ACOXL: variants seen among roughly 807,000 people sequenced by gnomAD.
ACOXL encodes the protein acyl-coenzyme A oxidase-like protein.
In ACOXL, 70 loss-of-function variants were observed where a neutral mutation model predicts 71.9. The ratio of observed to expected loss-of-function variants is 0.97; its 90% CI spans 0.80 to 1.19. The LOEUF is 1.19. Among genes scored for constraint, ACOXL ranks in the 50% most tolerant of loss-of-function variants. The pLI, the probability that ACOXL is intolerant of heterozygous loss-of-function variation, is 0.00. For missense variants in ACOXL, 703 were observed against 736.3 expected (o/e 0.95, Z 0.52); for synonymous variants, 253 against 281.6 (o/e 0.90, Z 1.02).
chr2:110,803,194 A>G (rs56281800), intron 8 of ACOXL, among the ~76,000 whole-genome samples: 3,563 of 152,320 alleles, frequency 0.023, 67 homozygotes, highest in East Asian at 0.055. Flanking sequence ...ATTCATATGG[A>G]AATGCAGGAA....
At chr2:111,044,770 A>G (rs1230732160) in intron 15 of ACOXL, among the ~76,000 whole-genome samples, 1 of 152,130 alleles carries the variant, frequency 6.6e-6, no homozygotes, top group Non-Finnish European at 1.5e-5. Flanking sequence ...GTAAGGTTCT[A>G]CCTTACAGCA....
intron 9 of ACOXL, among the ~76,000 whole-genome samples, chr2:110,827,823 C>T (rs1430537360): frequency 6.6e-6 from 1 of 152,138 alleles, no homozygotes; most frequent in Non-Finnish European, 1.5e-5. Flanking sequence ...CTATCACCTC[C>T]CTGCACAAAT....
intron 10 of ACOXL, among the ~76,000 whole-genome samples, chr2:110,870,582 A>C (rs1406122621): frequency 2.6e-5 from 4 of 152,162 alleles, no homozygotes; most frequent in Non-Finnish European, 2.9e-5. Flanking sequence ...AGGGACAGTC[A>C]GAGCTAGAAC....
At chr2:110,826,158 G>A (rs1689138118) in intron 9 of ACOXL, among the ~76,000 whole-genome samples, 1 of 152,190 alleles carries the variant, frequency 6.6e-6, no homozygotes, top group African/African-American at 2.4e-5. Flanking sequence ...TTAAAGGAAA[G>A]CTTCATCTTT....
chr2:110,742,064 G>C (rs1340480985), intron 1 of ACOXL, among the ~76,000 whole-genome samples: 1 of 152,248 alleles, frequency 6.6e-6, no homozygotes, highest in Non-Finnish European at 1.5e-5. Context: ...AGTCCTGGAA[G>C]GAAACAGCAC....
intron 17 of ACOXL, among the ~76,000 whole-genome samples, chr2:111,117,321 G>C (rs1283403437): frequency 1.3e-5 from 2 of 152,224 alleles, no homozygotes; most frequent in African/African-American, 4.8e-5. Context: ...TCAGACCTTG[G>C]TCTCGAGTTC....
intron 10 of ACOXL, among the ~76,000 whole-genome samples, chr2:110,870,900 G>A (rs959642465): frequency 6.6e-6 from 1 of 152,104 alleles, no homozygotes; most frequent in African/African-American, 2.4e-5. Flanking sequence ...GTTTGAATGA[G>A]GTCAAAGTAG....
At chr2:110,883,307 A>G (rs564372435) in intron 10 of ACOXL, among the ~76,000 whole-genome samples, 2 of 151,980 alleles carry the variant, frequency 1.3e-5, no homozygotes, top group East Asian at 3.9e-4. Flanking sequence ...ACGGGGTTTC[A>G]TCATGTTGGC....
chr2:110,948,753 G>A (rs149212085), intron 12 of ACOXL, among the ~76,000 whole-genome samples: 2 of 148,668 alleles, frequency 1.3e-5, no homozygotes, highest in Admixed American at 1.3e-4. Context: ...CAAAAGCACA[G>A]TGGGCTCCTG....
Position 110,801,658 on chromosome 2 carries a change from A to G in ACOXL, c.554A>G (p.His185Arg), listed in dbSNP as rs1188050481. 1.2e-6 allele frequency: 2 copies of G among 1,614,074 alleles called. No homozygotes were observed. Among genetic ancestry groups the G allele is most frequent in the South Asian group, 1.1e-5 (1 of 91,068 alleles). ...CCCTTTCTATTCTTGCCAGGTCTGC[A>G]TGGTGTGGACAATGGGATATTAATA... ...AIDMMYKEGL[H>R]GVDNGILIFD... is the part of the protein sequence containing the mutation. Residue 185 changes from histidine to arginine, a missense_variant, in exon 8 of 18, where the codon CAT becomes CGT. Transcript: ENST00000439055.
chr2:110,968,076 C>G, intron 12 of ACOXL: 3 of 1,232,632 alleles, frequency 2.4e-6, no homozygotes, highest in East Asian at 4.6e-5. Flanking sequence ...CATACGCACA[C>G]GAACTGCCAA....
At chr2:110,869,596 G>T (rs1695020488) in intron 10 of ACOXL, among the ~76,000 whole-genome samples, 1 of 152,170 alleles carries the variant, frequency 6.6e-6, no homozygotes, top group African/African-American at 2.4e-5. Flanking sequence ...CAGGCTCTGA[G>T]TGCATCTGTG....
chr2:111,091,972 A>G (rs2068548792), intron 16 of ACOXL, among the ~76,000 whole-genome samples: 1 of 152,224 alleles, frequency 6.6e-6, no homozygotes, highest in Non-Finnish European at 1.5e-5. Context: ...TCTAGTGGGA[A>G]GATCATTTCT....
chr2:110,810,810 G>A (rs1166365506), intron 9 of ACOXL, among the ~76,000 whole-genome samples: 1 of 152,208 alleles, frequency 6.6e-6, no homozygotes, highest in Non-Finnish European at 1.5e-5. Context: ...CCTGACACTG[G>A]TTAATTTATA....
chr2:110,979,286 C>T (rs1264631435), intron 12 of ACOXL, among the ~76,000 whole-genome samples: 2 of 152,100 alleles, frequency 1.3e-5, no homozygotes, highest in African/African-American at 2.4e-5. Context: ...GCCTGTCTGC[C>T]CTTGAGTCCC....
chr2:110,782,858 G>T (rs995505166), intron 2 of ACOXL, among the ~76,000 whole-genome samples: 2 of 152,186 alleles, frequency 1.3e-5, no homozygotes, highest in Non-Finnish European at 2.9e-5. Flanking sequence ...TCAAGGAAGG[G>T]TTTGTTGTGA....
chr2:110,760,269 A>C (rs1680224464), intron 1 of ACOXL, among the ~76,000 whole-genome samples: 2 of 151,550 alleles, frequency 1.3e-5, no homozygotes, highest in South Asian at 4.2e-4. Flanking sequence ...CCTCCCGAGT[A>C]GCTGGGACTA....
intron 1 of ACOXL, among the ~76,000 whole-genome samples, chr2:110,739,641 C>A (rs568987183): frequency 6.6e-6 from 1 of 152,356 alleles, no homozygotes; most frequent in African/African-American, 2.4e-5. Context: ...TCCCATGCCA[C>A]CCTCTCCTAA....
chr2:111,013,856 CACG>C (rs372898132), intron 14 of ACOXL, among the ~76,000 whole-genome samples: 55,168 of 151,772 alleles, frequency 0.36, 10,716 homozygotes, highest in African/African-American at 0.5. Context: ...AAATATTCTC[CACG>C]AATATAGGTG....
Sources: allele counts gnomAD v4.1 joint callset (sites outside exome capture counted in the v4.1 genomes callset), GRCh38; gene constraint gnomAD v4.1.1; transcripts MANE v1.5; gene names NCBI Gene and HGNC (gene_info 2026-07-23, HGNC 2026-07-21).